CAMKMT: variants seen among roughly 807,000 people sequenced by gnomAD.
CAMKMT encodes the protein calmodulin-lysine N-methyltransferase.
CAMKMT carries 53 observed loss-of-function variants against 48.0 expected under a neutral mutation model. The ratio of observed to expected loss-of-function variants is 1.10; its 90% CI spans 0.89 to 1.39. CAMKMT has a LOEUF of 1.39. Among genes scored for constraint, CAMKMT ranks in the 40% most tolerant of loss-of-function variants. The pLI, the probability that CAMKMT is intolerant of heterozygous loss-of-function variation, is 0.00. For synonymous variants in CAMKMT, 165 were observed against 152.3 expected (o/e 1.08, Z -0.61); for missense variants, 428 against 402.7 (o/e 1.06, Z -0.54).
intron 3 of CAMKMT, among the ~76,000 whole-genome samples, chr2:44,595,202 T>C (rs563076861): frequency 2.6e-4 from 39 of 152,208 alleles, no homozygotes; most frequent in Non-Finnish European, 5.3e-4. Context: ...ACACTGTTGG[T>C]GGGAGGGTAA....
chr2:44,736,324 A>T (rs1399068343), intron 7 of CAMKMT, among the ~76,000 whole-genome samples: 1 of 152,150 alleles, frequency 6.6e-6, no homozygotes. Flanking sequence ...TCCTTTCAGT[A>T]CTTTAAAGAT....
chr2:44,425,798 T>C (rs765480164), intron 3 of CAMKMT, among the ~76,000 whole-genome samples: 3 of 152,094 alleles, frequency 2.0e-5, no homozygotes, highest in Non-Finnish European at 4.4e-5. Flanking sequence ...TAGCATGATC[T>C]TGGCTCACTG....
chr2:44,501,556 G>A (rs553093522), intron 3 of CAMKMT, among the ~76,000 whole-genome samples: 1 of 152,254 alleles, frequency 6.6e-6, no homozygotes, highest in African/African-American at 2.4e-5. Context: ...GGGAGGCTGG[G>A]TCTTCATTGT....
At chr2:44,579,888 AAGTGACTGCC>A (rs2103769959) in intron 3 of CAMKMT, among the ~76,000 whole-genome samples, 1 of 105,630 alleles carries the variant, frequency 9.5e-6, no homozygotes, top group East Asian at 2.1e-4. Flanking sequence ...TTGTGGTCCA[AAGTGACTGCC>A]ATTTCTTTTG....
chr2:44,502,065 C>G (rs1244273697), intron 3 of CAMKMT, among the ~76,000 whole-genome samples: 1 of 151,662 alleles, frequency 6.6e-6, no homozygotes, highest in Non-Finnish European at 1.5e-5. Context: ...ACAAAAAATA[C>G]AAAATATTAG....
At chr2:44,571,567 A>G (rs951364935) in intron 3 of CAMKMT, among the ~76,000 whole-genome samples, 2 of 152,212 alleles carry the variant, frequency 1.3e-5, no homozygotes, top group African/African-American at 4.8e-5. Context: ...AATAACAAAG[A>G]CTTTATAAAT....
intron 3 of CAMKMT, among the ~76,000 whole-genome samples, chr2:44,594,663 A>G (rs1670542255): frequency 6.6e-6 from 1 of 152,228 alleles, no homozygotes; most frequent in African/African-American, 2.4e-5. Flanking sequence ...AAATTAACTC[A>G]AGATGGATTA....
At chr2:44,582,617 T>C (rs1474197787) in intron 3 of CAMKMT, among the ~76,000 whole-genome samples, 5 of 152,228 alleles carry the variant, frequency 3.3e-5, no homozygotes, top group Non-Finnish European at 2.9e-5. Context: ...TGTTGAATCA[T>C]GATTGGGCAA....
At chr2:44,496,191 C>A (rs1669744450) in intron 3 of CAMKMT, among the ~76,000 whole-genome samples, 1 of 152,154 alleles carries the variant, frequency 6.6e-6, no homozygotes, top group Admixed American at 6.5e-5. Context: ...ATTAATTTAA[C>A]CAGCATTATT....
At chr2:44,417,918 C>T (rs1033830216) in intron 3 of CAMKMT, among the ~76,000 whole-genome samples, 3 of 152,124 alleles carry the variant, frequency 2.0e-5, no homozygotes, top group Non-Finnish European at 2.9e-5. Context: ...GTAGGCCGGG[C>T]ATTGTGGCTC....
Position 44,372,787 on chromosome 2 carries a change from G to A in CAMKMT, c.210G>A (p.Leu70=). 1 of 1,613,892 alleles carries A rather than the reference G, an allele frequency of 6.2e-7. No individual in the cohort carries two copies. Among genetic ancestry groups the A allele is most frequent in the Non-Finnish European group, 8.5e-7 (1 of 1,179,902 alleles). ...VSVRRFESFN[L]FSVTEGKERE... ...TAAGAAGATTTGAATCATTTAATCT[G>A]TTTTCAGTAACAGAAGGCAAAGAAA... Residue 70 remains leucine (L), a synonymous_variant, in exon 2 of 11, where the codon CTG becomes CTA. Transcript: ENST00000378494.
intron 3 of CAMKMT, among the ~76,000 whole-genome samples, chr2:44,558,047 ATTCATTCATTC>A (rs1179720395): frequency 1.8e-4 from 5 of 28,462 alleles, no homozygotes; most frequent in Non-Finnish European, 5.7e-4. Context: ...TCATTCATTC[ATTCATTCATTC>A]ATTCATTCAT....
At chr2:44,592,901 T>C (rs1432429966) in intron 3 of CAMKMT, among the ~76,000 whole-genome samples, 1 of 152,144 alleles carries the variant, frequency 6.6e-6, no homozygotes, top group South Asian at 2.1e-4. Context: ...CTCTATTGGG[T>C]GGTGTGTTCT....
chr2:44,480,913 A>C (rs1331468701), intron 3 of CAMKMT, among the ~76,000 whole-genome samples: 1 of 152,098 alleles, frequency 6.6e-6, no homozygotes, highest in Non-Finnish European at 1.5e-5. Flanking sequence ...TATTTATTGA[A>C]GATAAAGGAA....
chr2:44,511,540 CA>C (rs1670555023), intron 3 of CAMKMT, among the ~76,000 whole-genome samples: 1 of 152,246 alleles, frequency 6.6e-6, no homozygotes, highest in South Asian at 2.1e-4. Context: ...CCGCCTGCCT[CA>C]GCCTCCCAAA....
At chr2:44,556,380 C>T (rs1238133646) in intron 3 of CAMKMT, among the ~76,000 whole-genome samples, 1 of 151,590 alleles carries the variant, frequency 6.6e-6, no homozygotes, top group Non-Finnish European at 1.5e-5. Flanking sequence ...CTCTGGTGAT[C>T]CACCTGCCTC....
At chr2:44,609,573 T>C (rs1198775406) in intron 3 of CAMKMT, among the ~76,000 whole-genome samples, 2 of 152,192 alleles carry the variant, frequency 1.3e-5, no homozygotes, top group Non-Finnish European at 2.9e-5. Context: ...TTAATCCCTG[T>C]GGGTAAAAGT....
intron 2 of CAMKMT, among the ~76,000 whole-genome samples, chr2:44,377,678 C>T (rs531628316): frequency 2.0e-5 from 3 of 152,150 alleles, no homozygotes; most frequent in African/African-American, 7.2e-5. Flanking sequence ...TTGAAGAAGA[C>T]TACTGTTACT....
At position 44,385,288 on chromosome 2, in the gene CAMKMT, C is replaced by T. The variant is rs372851167; in HGVS notation, c.312-4953C>T. ...CTTGATTTGATTCTCTACTTGGTTG[C>T]CGTTGGTGTATAGAAAAACTATTGA... On this transcript the variant is annotated intron_variant, in intron 2 of 10. Coordinates refer to ENST00000378494, the MANE Select transcript of CAMKMT (RefSeq NM_024766.5). Among the ~76,000 whole-genome samples, 8 of 151,840 alleles carry T rather than the reference C, an allele frequency of 5.3e-5. No homozygotes were observed. The East Asian group carries it at 9.7e-4, about 18-fold the overall frequency.
Sources: allele counts gnomAD v4.1 joint callset (sites outside exome capture counted in the v4.1 genomes callset), GRCh38; gene constraint gnomAD v4.1.1; transcripts MANE v1.5; gene names NCBI Gene and HGNC (gene_info 2026-07-23, HGNC 2026-07-21).